Variants in FAR2 observed in about 807,000 individuals in gnomAD.
The protein encoded by FAR2 is fatty acyl-CoA reductase 2.
In FAR2, 19 loss-of-function variants were observed where a neutral mutation model predicts 56.0. The observed-to-expected ratio is 0.34, with a 90% CI of 0.24 to 0.50. The LOEUF (loss-of-function observed/expected upper bound fraction) is 0.50, where lower values mean the gene tolerates loss of function less well. Ranked by LOEUF, FAR2 falls within the 20% of genes least tolerant of loss-of-function variation. FAR2 has a pLI of 0.98. For missense variants in FAR2, 508 were observed against 642.2 expected (o/e 0.79, Z 2.26); for synonymous variants, 219 against 218.8 (o/e 1.00, Z -0.01).
intron 1 of FAR2, among the ~76,000 whole-genome samples, chr12:29,262,728 G>A (rs945665391): frequency 1.3e-5 from 2 of 152,124 alleles, no homozygotes; most frequent in African/African-American, 2.4e-5. Flanking sequence ...CAGGAAGGAA[G>A]GAAGGAAGAG....
chr12:29,172,775 T>G (rs1949900982), intron 1 of FAR2, among the ~76,000 whole-genome samples: 1 of 152,202 alleles, frequency 6.6e-6, no homozygotes, highest in African/African-American at 2.4e-5. Flanking sequence ...CAGAAGGATT[T>G]TCTTCCTTTC....
intron 1 of FAR2, among the ~76,000 whole-genome samples, chr12:29,215,287 C>G (rs954727744): frequency 1.3e-5 from 2 of 152,056 alleles, no homozygotes; most frequent in African/African-American, 4.8e-5. Flanking sequence ...AACAAGAAAC[C>G]TCATGCTTTT....
At chr12:29,215,507 GTA>G (rs1189942529) in intron 1 of FAR2, among the ~76,000 whole-genome samples, 2 of 152,044 alleles carry the variant, frequency 1.3e-5, no homozygotes, top group Non-Finnish European at 2.9e-5. Context: ...ATTAAGAAAC[GTA>G]TCTGTTAAAT....
At chr12:29,186,751 A>C (rs1565685598) in intron 1 of FAR2, among the ~76,000 whole-genome samples, 7 of 20,486 alleles carry the variant, frequency 3.4e-4, no homozygotes, top group Non-Finnish European at 1.5e-3. Flanking sequence ...TTAGTTCTTT[A>C]TTTATTATTT....
chr12:29,216,636 T>G (rs1475594762), intron 1 of FAR2, among the ~76,000 whole-genome samples: 3 of 152,158 alleles, frequency 2.0e-5, no homozygotes, highest in African/African-American at 7.2e-5. Flanking sequence ...CATAACAACC[T>G]GCAGCTAATA....
intron 1 of FAR2, among the ~76,000 whole-genome samples, chr12:29,159,521 GAA>G (rs10623094): frequency 2.8e-4 from 39 of 139,860 alleles, no homozygotes; most frequent in African/African-American, 4.8e-4. Flanking sequence ...CTCTGTCTCG[GAA>G]AAAAAAAAAA....
At chr12:29,167,223 G>T (rs966811139) in intron 1 of FAR2, among the ~76,000 whole-genome samples, 2 of 152,108 alleles carry the variant, frequency 1.3e-5, no homozygotes, top group African/African-American at 4.8e-5. Flanking sequence ...TATTCTATCT[G>T]AAGGAGTTGT....
intron 2 of FAR2, among the ~76,000 whole-genome samples, chr12:29,275,871 A>C (rs1214666476): frequency 6.6e-6 from 1 of 152,224 alleles, no homozygotes; most frequent in East Asian, 1.9e-4. Flanking sequence ...CTTATCTGTG[A>C]AACTGCCTTG....
At chr12:29,270,991 C>G (rs1215319177) in intron 2 of FAR2, among the ~76,000 whole-genome samples, 1 of 152,168 alleles carries the variant, frequency 6.6e-6, no homozygotes, top group Non-Finnish European at 1.5e-5. Context: ...ATTTCCTCCC[C>G]AAATTTTTTG....
intron 1 of FAR2, among the ~76,000 whole-genome samples, chr12:29,212,836 T>C (rs769380235): frequency 1.8e-4 from 27 of 152,362 alleles, no homozygotes; most frequent in Non-Finnish European, 3.5e-4. Context: ...GGGTTTGAAT[T>C]ATCCTGCTAT....
At chr12:29,252,756 TTAAG>T (rs1288018804) in intron 1 of FAR2, among the ~76,000 whole-genome samples, 2 of 152,178 alleles carry the variant, frequency 1.3e-5, no homozygotes, top group Non-Finnish European at 2.9e-5. Flanking sequence ...GTTATTGACA[TTAAG>T]TATGGTTTAA....
intron 1 of FAR2, among the ~76,000 whole-genome samples, chr12:29,171,146 A>G (rs1225279199): frequency 2.0e-5 from 3 of 152,204 alleles, no homozygotes; most frequent in African/African-American, 4.8e-5. Context: ...AGGACAGGAG[A>G]TTAACAATGA....
chr12:29,164,708 G>C (rs906490797), intron 1 of FAR2, among the ~76,000 whole-genome samples: 2 of 152,202 alleles, frequency 1.3e-5, no homozygotes, highest in African/African-American at 4.8e-5. Context: ...AGAGGCTACT[G>C]AAGAACCCTG....
At chr12:29,300,131 TTTTG>T (rs780619338) in intron 4 of FAR2, among the ~76,000 whole-genome samples, 44 of 152,330 alleles carry the variant, frequency 2.9e-4, no homozygotes, top group African/African-American at 1.1e-3. Flanking sequence ...TTTTGACTGT[TTTTG>T]TTTGTTTGTT....
intron 2 of FAR2, among the ~76,000 whole-genome samples, chr12:29,270,994 A>T (rs986420538): frequency 4.6e-5 from 7 of 152,304 alleles, no homozygotes; most frequent in African/African-American, 1.7e-4. Context: ...TCCTCCCCAA[A>T]TTTTTTGGAT....
chr12:29,257,333 T>A (rs1948337217), intron 1 of FAR2, among the ~76,000 whole-genome samples: 1 of 152,108 alleles, frequency 6.6e-6, no homozygotes, highest in South Asian at 2.1e-4. Flanking sequence ...GGTGGGGACG[T>A]GGAGAACCTT....
intron 1 of FAR2, among the ~76,000 whole-genome samples, chr12:29,203,949 G>A (rs549645043): frequency 3.1e-5 from 4 of 128,036 alleles, no homozygotes; most frequent in South Asian, 2.6e-4. Flanking sequence ...GCAGTGAGCC[G>A]AGATTGCGCC....
chr12:29,320,397 A>G (rs1024913445), intron 9 of FAR2, among the ~76,000 whole-genome samples: 5 of 152,256 alleles, frequency 3.3e-5, no homozygotes, highest in African/African-American at 4.8e-5. Context: ...TTTAGATAAT[A>G]GTAAAGTGGA....
In FAR2 at chr12:29,335,507, A is replaced by C. The variant is rs879698938; in HGVS notation, c.*1713A>C. The C allele has an allele frequency of 6.6e-6, 1 of 152,178 alleles. No individual in the cohort carries two copies. The highest frequency in any genetic ancestry group is 1.5e-5 in the Non-Finnish European group (1 of 68,040). The allele number at this position is 152,178 out of a possible 1,614,324, so 9.4% of individuals were successfully genotyped here. On this transcript the variant is annotated 3_prime_UTR_variant, in exon 12 of 12. Transcript: ENST00000536681. ...CAGTGGGATTGGATTAAGACATAAT[A>C]ATAGTTCTAAGAATTCACTTTTGAT...
Sources: allele counts gnomAD v4.1 joint callset (sites outside exome capture counted in the v4.1 genomes callset), GRCh38; gene constraint gnomAD v4.1.1; transcripts MANE v1.5; gene names NCBI Gene and HGNC (gene_info 2026-07-23, HGNC 2026-07-21).